Variants in ADGRE5 observed in about 807,000 individuals in gnomAD.
ADGRE5 encodes the protein adhesion G protein-coupled receptor E5.
In ADGRE5, 72 loss-of-function variants were observed where a neutral mutation model predicts 100.3. That is an observed-to-expected ratio of 0.72 (90% CI 0.59 to 0.87). ADGRE5 has a LOEUF of 0.87. Ranked by LOEUF, ADGRE5 falls within the 40% of genes least tolerant of loss-of-function variation. The probability of loss-of-function intolerance (pLI) is 0.00; values close to 1 mark genes in which losing one functional copy is unlikely to be tolerated. For missense variants in ADGRE5, 959 were observed against 1,094.7 expected, an observed-to-expected ratio of 0.88 and a Z score of 1.75; for synonymous variants, 439 against 447.8, an observed-to-expected ratio of 0.98 and a Z score of 0.25.
chr19:14,404,284 C>A (rs1976129644), intron 12 of ADGRE5, 99 bp from the exon 13 acceptor site: 2 of 1,092,996 alleles, frequency 1.8e-6, no homozygotes, highest in South Asian at 1.5e-5. Context: ...TCGGTCAATA[C>A]TCATCTAGTA....
In ADGRE5 at chr19:14,408,107, G is replaced by C. The variant is rs778697801; in HGVS notation, c.2494G>C (p.Glu832Gln). The stretch of plus-strand genomic sequence containing the variant: ...TCCTCTCCAGGCCCTCAGGGCATCA[G>C]AGTCCGGCATATGAAGGCGCATGGT... ...HNQTRALRASESGI is the reference protein window; with the variant it reads ...HNQTRALRASQSGI Residue 832 changes from glutamate (E) to glutamine (Q), a missense_variant, in exon 20 of 20, where the codon GAG becomes CAG. By Grantham distance (29) the Glu-to-Gln change is conservative. Coordinates refer to ENST00000242786, the MANE Select transcript of ADGRE5 (RefSeq NM_078481.4). 217 of 1,613,598 alleles carry C rather than the reference G, an allele frequency of 1.3e-4. No homozygotes were observed. The highest frequency in any genetic ancestry group is 1.8e-4 in the Non-Finnish European group (207 of 1,179,996).
chr19:14,388,644 C>T (rs1235681580), intron 2 of ADGRE5, 58 bp from the exon 3 acceptor site: 17 of 1,607,504 alleles, frequency 1.1e-5, no homozygotes, highest in Non-Finnish European at 1.4e-5. Flanking sequence ...CCCCCAGTGC[C>T]CCCTTTTTGT....
intron 1 of ADGRE5, among the ~76,000 whole-genome samples, chr19:14,386,763 C>T (rs1272686828): frequency 6.7e-6 from 1 of 149,984 alleles, no homozygotes; most frequent in Non-Finnish European, 1.5e-5. Context: ...CCTGTAATCC[C>T]AGCACTTTTG....
intron 3 of ADGRE5, 72 bp downstream of exon 3, chr19:14,388,890 G>C (rs770368294): frequency 2.1e-6 from 3 of 1,421,586 alleles, no homozygotes; most frequent in Admixed American, 1.7e-5. Context: ...GGGGGACAGA[G>C]GTTGTTGTGA....
At chr19:14,384,591 C>T (rs1975267583) in intron 1 of ADGRE5, among the ~76,000 whole-genome samples, 1 of 151,842 alleles carries the variant, frequency 6.6e-6, no homozygotes, top group Non-Finnish European at 1.5e-5. Context: ...CGCCCCAGGC[C>T]CCACCTGCCG....
chr19:14,385,010 C>CT (rs56960989), intron 1 of ADGRE5, among the ~76,000 whole-genome samples: 4,477 of 68,696 alleles, frequency 0.065, 344 homozygotes, highest in Non-Finnish European at 0.083. Flanking sequence ...GACTCTTGCT[C>CT]TTTTTTTTTT....
chr19:14,399,974 G>C (rs1488567057), intron 9 of ADGRE5, among the ~76,000 whole-genome samples: 1 of 150,994 alleles, frequency 6.6e-6, no homozygotes, highest in South Asian at 2.1e-4. Context: ...CAAGTATTAA[G>C]AGCTGAGACT....
intron 4 of ADGRE5, among the ~76,000 whole-genome samples, chr19:14,393,280 G>T (rs1344549684): frequency 1.3e-5 from 2 of 151,724 alleles, no homozygotes; most frequent in African/African-American, 2.4e-5. Flanking sequence ...GGATTTTATT[G>T]TAATTCTGAT....
Position 14,408,511 on chromosome 19 carries a change from G to A in ADGRE5, c.*390G>A. The A allele has an allele frequency of 4.3e-6, 2 of 466,014 alleles. No homozygotes were observed. The highest frequency in any genetic ancestry group is 3.6e-5 in the East Asian group (1 of 28,044). 28.9% of individuals were successfully genotyped at this position (466,014 alleles called of 1,614,324 possible). A position where few individuals can be genotyped will look rare whatever the true frequency, so the allele number is the denominator to read the frequency against. ...AGAACTGAAGAGACTAGGCGCTGGG[G>A]CTCAGCTTCCCTCTTAAGCTAAGAC... is the stretch of plus-strand genomic sequence containing the variant. On this transcript the variant is annotated 3_prime_UTR_variant, in exon 20 of 20. Transcript: ENST00000242786.
intron 9 of ADGRE5, among the ~76,000 whole-genome samples, chr19:14,399,742 T>TA (rs201012165): frequency 0.019 from 2,665 of 140,476 alleles, 60 homozygotes; most frequent in African/African-American, 0.055. Flanking sequence ...GATTTTGTCT[T>TA]AAAAAAAAAA....
At chr19:14,398,954 A>C (rs1280902260) in intron 9 of ADGRE5, among the ~76,000 whole-genome samples, 2 of 150,834 alleles carry the variant, frequency 1.3e-5, no homozygotes, top group African/African-American at 4.9e-5. Context: ...TGACCCTCCC[A>C]CCTGAGCCTC....
chr19:14,403,946 G>A (rs889400004), intron 12 of ADGRE5, among the ~76,000 whole-genome samples: 4 of 141,150 alleles, frequency 2.8e-5, no homozygotes, highest in South Asian at 2.2e-4. Flanking sequence ...GCTCATTCTC[G>A]GCTCAGTGCA....
At chr19:14,384,159 G>A (rs772804678) in intron 1 of ADGRE5, among the ~76,000 whole-genome samples, 1 of 152,152 alleles carries the variant, frequency 6.6e-6, no homozygotes, top group Non-Finnish European at 1.5e-5. Context: ...AGAGGAGGAA[G>A]AGGGGAATCC....
chr19:14,384,189 G>A (rs922981000), intron 1 of ADGRE5, among the ~76,000 whole-genome samples: 1 of 152,042 alleles, frequency 6.6e-6, no homozygotes, highest in African/African-American at 2.4e-5. Context: ...TGGGGAGTAC[G>A]GGCTTGGGCT....
chr19:14,407,326 G>A, intron 18 of ADGRE5, 97 bp downstream of exon 18: 1 of 1,381,332 alleles, frequency 7.2e-7, no homozygotes, highest in Non-Finnish European at 1.0e-6. Flanking sequence ...TTGGAGACCA[G>A]CCTGGGCAAC....
At chr19:14,385,113 C>A (rs1208751774) in intron 1 of ADGRE5, among the ~76,000 whole-genome samples, 1 of 145,802 alleles carries the variant, frequency 6.9e-6, no homozygotes, top group Admixed American at 7.2e-5. Context: ...TGTGTTCAAG[C>A]GATTCTCCTG....
Position 14,406,311 on chromosome 19 carries a change from C to G in ADGRE5, c.1822-20C>G. On this transcript the variant is annotated intron_variant, in intron 14 of 19. Coordinates refer to ENST00000242786, the MANE Select transcript of ADGRE5 (RefSeq NM_078481.4). This position sits in a 1 kb window ranked among gnomAD's most constrained non-coding sequence, Gnocchi z 6.0. The stretch of plus-strand genomic sequence containing the variant: ...CTCCCCGCGCTGACGTCGCTCCGCC[C>G]CTCCGTCCCCGCCCCGCAGGTGGGG... 6.5e-7 allele frequency: 1 copy of G among 1,533,548 alleles called. No homozygotes were observed. The highest frequency in any genetic ancestry group is 2.0e-5 in the Admixed American group (1 of 50,882). The allele number at this position is 1,533,548 out of a possible 1,614,324, so 95.0% of individuals were successfully genotyped here.
chr19:14,404,477 T>C lies in ADGRE5; in HGVS notation c.1544T>C (p.Val515Ala). The change falls in exon 13 of 20, where the codon GTG becomes GCG. Residue 515 changes from valine to alanine, a missense_variant. Val to Ala is a moderately conservative substitution (Grantham distance 64). Coordinates refer to ENST00000242786, the MANE Select transcript of ADGRE5 (RefSeq NM_078481.4). ...CACTGGGCCACCGAGGGCTGCCAGG[T>C]GCTGGGCAGCAAGAACGGCAGCACC... ...GGHWATEGCQVLGSKNGSTTC... is the reference protein window; with the variant it reads ...GGHWATEGCQALGSKNGSTTC... The C allele has an allele frequency of 6.2e-7, 1 of 1,612,366 alleles. No individual in the cohort carries two copies. Among genetic ancestry groups the C allele is most frequent in the Non-Finnish European group, 8.5e-7 (1 of 1,179,552 alleles).
Position 14,408,379 on chromosome 19 carries a change from G to A in ADGRE5, c.*258G>A, listed in dbSNP as rs925900093. 4 of 605,636 alleles carry A rather than the reference G, an allele frequency of 6.6e-6. No individual in the cohort carries two copies. In the East Asian group the frequency reaches 1.1e-4, roughly 17 times the overall value. The allele number at this position is 605,636 out of a possible 1,614,324, so 37.5% of individuals were successfully genotyped here. ...TGACCCAGGGTGGGGACAGGGGCTG[G>A]CCCAGGGCTGCAATGCAGCATGTTG... On this transcript the variant is annotated 3_prime_UTR_variant, in exon 20 of 20. Coordinates refer to ENST00000242786, the MANE Select transcript of ADGRE5 (RefSeq NM_078481.4).
Sources: allele counts gnomAD v4.1 joint callset (sites outside exome capture counted in the v4.1 genomes callset), GRCh38; gene constraint gnomAD v4.1.1; non-coding constraint Gnocchi (gnomAD v3.1); transcripts MANE v1.5; gene names NCBI Gene and HGNC (gene_info 2026-07-23, HGNC 2026-07-21).